The following ATG3 variants were observed in gnomAD, a reference collection of about 807,000 sequenced individuals.
ATG3 encodes the protein ubiquitin-like-conjugating enzyme ATG3.
A neutral mutation model predicts 50.7 loss-of-function variants in ATG3; 25 were observed. The observed-to-expected ratio is 0.49, with a 90% CI of 0.36 to 0.69. ATG3 has a LOEUF of 0.69. Among genes scored for constraint, ATG3 ranks in the 30% least tolerant of loss-of-function variants. The pLI is 0.00. For missense variants in ATG3, 281 were observed against 376.0 expected (o/e 0.75, Z 2.09); for synonymous variants, 119 against 125.5 (o/e 0.95, Z 0.34).
intron 3 of ATG3, 51 bp from the exon 4 acceptor site, chr3:112,550,313 A>G: frequency 7.4e-7 from 1 of 1,346,582 alleles, no homozygotes; most frequent in Non-Finnish European, 1.1e-6. Context: ...TTAATAGGCA[A>G]ATATACAGCA....
At chr3:112,538,538 G>A (rs1933138124) in intron 7 of ATG3, among the ~76,000 whole-genome samples, 2 of 151,814 alleles carry the variant, frequency 1.3e-5, no homozygotes, top group African/African-American at 4.8e-5. Context: ...CATGTGGCAT[G>A]ATTTAGTCCC....
chr3:112,543,247 A>T (rs1020030216), intron 6 of ATG3, among the ~76,000 whole-genome samples: 2 of 152,160 alleles, frequency 1.3e-5, no homozygotes, highest in Non-Finnish European at 2.9e-5. Flanking sequence ...GGTTAAAAAA[A>T]TAATTAAGAC....
chr3:112,554,954 T>C (rs984785267), intron 2 of ATG3, among the ~76,000 whole-genome samples: 2 of 152,152 alleles, frequency 1.3e-5, no homozygotes, highest in Non-Finnish European at 2.9e-5. Context: ...ATAAAAACAA[T>C]AGTCTCTTCC....
rs1162151251 is a variant in ATG3 at position 112,532,676 on chromosome 3, G to T, written c.*23C>A. 8 of 1,504,898 alleles carry T rather than the reference G, an allele frequency of 5.3e-6. No individual in the cohort carries two copies. The highest frequency in any genetic ancestry group is 2.5e-5 in the South Asian group (2 of 78,668). 93.2% of individuals were successfully genotyped at this position (1,504,898 alleles called of 1,614,324 possible). A position where few individuals can be genotyped will look rare whatever the true frequency, so the allele number is the denominator to read the frequency against. ...CTTTAAAAATCAGAACCAATAATTA[G>T]GATAGATTTTATGCTCTCTTCATTA... On this transcript the variant is annotated 3_prime_UTR_variant, in exon 12 of 12. Coordinates refer to ENST00000283290, the MANE Select transcript of ATG3 (RefSeq NM_022488.5).
chr3:112,543,409 A>G (rs1260395436), intron 6 of ATG3, among the ~76,000 whole-genome samples: 3 of 152,008 alleles, frequency 2.0e-5, no homozygotes, highest in African/African-American at 4.8e-5. Flanking sequence ...ATTTCCAAGC[A>G]AAAAAACTCT....
chr3:112,551,818 A>G (rs1371188813), intron 3 of ATG3, among the ~76,000 whole-genome samples: 3 of 152,168 alleles, frequency 2.0e-5, no homozygotes, highest in Admixed American at 1.3e-4. Flanking sequence ...TGGAATACAG[A>G]AAGAAAAAAA....
rs765470192 is a variant in ATG3, at chr3:112,541,914, T to G, written c.394-30A>C. On this transcript the variant is annotated intron_variant, in intron 6 of 11. Coordinates refer to ENST00000283290, the MANE Select transcript of ATG3 (RefSeq NM_022488.5). Reference sequence around the variant, plus strand: ...GAAATTAATTATATTTAAAATCACTTAAGTATATACATTAATTTGAACACT... The same window carrying G: ...GAAATTAATTATATTTAAAATCACTGAAGTATATACATTAATTTGAACACT... 1.0e-5 allele frequency: 16 copies of G among 1,548,798 alleles called. No individual in the cohort carries two copies. In the East Asian group the frequency reaches 2.0e-4, roughly 20 times the overall value.
At chr3:112,533,260 TTTAA>T (rs1470935274) in intron 11 of ATG3, 8 of 984,822 alleles carry the variant, frequency 8.1e-6, no homozygotes, top group Non-Finnish European at 9.6e-6. Flanking sequence ...CTGGACTGTC[TTTAA>T]TTAAATTCTG....
intron 4 of ATG3, 115 bp downstream of exon 4, chr3:112,550,077 A>G: frequency 1.5e-6 from 1 of 661,330 alleles, no homozygotes; most frequent in Non-Finnish European, 2.5e-6. Context: ...AAAAAGAAAT[A>G]ACAGAAAGAG....
At chr3:112,538,387 G>A (rs1933133925) in intron 7 of ATG3, 1 of 523,922 alleles carries the variant, frequency 1.9e-6, no homozygotes, top group South Asian at 2.6e-5. Context: ...TTTAAGGCTT[G>A]ACATAATAAT....
chr3:112,547,573 A>G (rs1023522298), intron 5 of ATG3, among the ~76,000 whole-genome samples: 7 of 152,270 alleles, frequency 4.6e-5, no homozygotes, highest in African/African-American at 1.2e-4. Context: ...GATAATATGC[A>G]TGTACATAGT....
chr3:112,550,679 A>G (rs1223202942), intron 3 of ATG3, among the ~76,000 whole-genome samples: 1 of 152,234 alleles, frequency 6.6e-6, no homozygotes, highest in African/African-American at 2.4e-5. Flanking sequence ...CAGAAAAAAA[A>G]GCTGCATGAC....
intron 5 of ATG3, 109 bp downstream of exon 5, chr3:112,548,424 G>A: frequency 1.0e-6 from 1 of 958,414 alleles, no homozygotes; most frequent in East Asian, 2.6e-5. Context: ...TAAGTCTATT[G>A]GGACAAAACT....
intron 2 of ATG3, among the ~76,000 whole-genome samples, chr3:112,555,765 TATCCCAACCCTGCATTATGTA>T (rs1165254078): frequency 6.6e-6 from 1 of 152,248 alleles, no homozygotes; most frequent in Non-Finnish European, 1.5e-5. Context: ...AATTGTGCTC[TATCCCAACCCTGCATTATGTA>T]ATAGACAGCC....
rs1933895376 is a variant in ATG3, at chr3:112,561,710, C to G, written c.-182G>C. On this transcript the variant is annotated 5_prime_UTR_variant, in exon 1 of 12. Coordinates refer to ENST00000283290, the MANE Select transcript of ATG3 (RefSeq NM_022488.5). Reference sequence around the variant, plus strand: ...GGACGAGGGGGCGGGGCGGCAGGCACAGCGCGCGAAGACGGGGTGCGCGAT... The same window carrying G: ...GGACGAGGGGGCGGGGCGGCAGGCAGAGCGCGCGAAGACGGGGTGCGCGAT... The G allele has an allele frequency of 1.6e-6, 1 of 623,068 alleles. No homozygotes were observed. Among genetic ancestry groups the G allele is most frequent in the African/African-American group, 2.0e-5 (1 of 51,146 alleles). The allele number at this position is 623,068 out of a possible 1,614,324, so 38.6% of individuals were successfully genotyped here. A position where few individuals can be genotyped will look rare whatever the true frequency, so the allele number is the denominator to read the frequency against.
chr3:112,558,430 G>T lies in ATG3; in HGVS notation c.73-13C>A. On this transcript the variant is annotated splice_polypyrimidine_tract_variant and intron_variant, in intron 1 of 11. Transcript: ENST00000283290. ...TAAACTTTGATTCCTAAAAAAAGCA[G>T]AAAGAAAAACAATATTATATCATGT... 2 of 1,574,814 alleles carry T rather than the reference G, an allele frequency of 1.3e-6. No homozygotes were observed. The highest frequency in any genetic ancestry group is 1.7e-6 in the Non-Finnish European group (2 of 1,146,050).
At chr3:112,559,271 C>T (rs1933772392) in intron 1 of ATG3, among the ~76,000 whole-genome samples, 1 of 152,140 alleles carries the variant, frequency 6.6e-6, no homozygotes, top group African/African-American at 2.4e-5. Context: ...ACACACTATT[C>T]TCTAAATTTT....
intron 7 of ATG3, among the ~76,000 whole-genome samples, chr3:112,540,554 T>C (rs1933197796): frequency 6.6e-6 from 1 of 152,134 alleles, no homozygotes; most frequent in Non-Finnish European, 1.5e-5. Flanking sequence ...ATCTTTCTTG[T>C]TGCACAAATT....
chr3:112,533,062 C>T (rs1046082792), intron 11 of ATG3: 16 of 1,065,416 alleles, frequency 1.5e-5, no homozygotes, highest in Middle Eastern at 4.3e-4. Flanking sequence ...CAAAGCTATA[C>T]ATGTTTAAAT....
Sources: gnomAD v4.1 joint callset for allele counts (sites outside exome capture counted in the v4.1 genomes callset) on GRCh38, gnomAD v4.1.1 for gene constraint, MANE v1.5 for transcripts, NCBI Gene and HGNC (gene_info 2026-07-23, HGNC 2026-07-21) for gene names.